Variants in IQUB observed in about 807,000 individuals in gnomAD.
The protein encoded by IQUB is IQ motif and ubiquitin-like domain-containing protein.
In IQUB, 86 loss-of-function variants were observed where a neutral mutation model predicts 86.4. The observed-to-expected ratio is 1.00, with a 90% CI of 0.84 to 1.19. IQUB has a LOEUF of 1.19. IQUB is among the 50% of genes most tolerant of loss of function. The pLI is 0.00. For synonymous variants in IQUB, 289 were observed against 304.5 expected (o/e 0.95, Z 0.53); for missense variants, 946 against 916.9 (o/e 1.03, Z -0.41).
At chr7:123,519,511 C>T (rs1472784938) in intron 1 of IQUB, among the ~76,000 whole-genome samples, 1 of 152,064 alleles carries the variant, frequency 6.6e-6, no homozygotes, top group Non-Finnish European at 1.5e-5. Flanking sequence ...ATGGGTGAAA[C>T]TGGGGGACAT....
intron 7 of IQUB, among the ~76,000 whole-genome samples, chr7:123,489,100 T>C (rs569200277): frequency 2.0e-5 from 3 of 152,326 alleles, no homozygotes; most frequent in Non-Finnish European, 4.4e-5. Context: ...GAAGTCAGAC[T>C]AGTGGTTACC....
chr7:123,493,721 ATGTG>A (rs753344642), intron 7 of IQUB, among the ~76,000 whole-genome samples: 4 of 128,346 alleles, frequency 3.1e-5, no homozygotes, highest in African/African-American at 9.2e-5. Flanking sequence ...CCTGAGAGAA[ATGTG>A]TGTGTATGTG....
At chr7:123,504,578 G>A (rs1167552218) in intron 3 of IQUB, among the ~76,000 whole-genome samples, 1 of 152,144 alleles carries the variant, frequency 6.6e-6, no homozygotes, top group African/African-American at 2.4e-5. Context: ...ATGGCCAGAG[G>A]AGGAGAAAGA....
chr7:123,472,603 T>C lies in IQUB; in HGVS notation c.1411-3219A>G, dbSNP rs143810823. Among the ~76,000 whole-genome samples the C allele has an allele frequency of 3.3e-5, 5 of 152,298 alleles. No individual in the cohort carries two copies. In the East Asian group the frequency reaches 9.7e-4, roughly 29 times the overall value. ...GAAGAATAACTAGGAGTTAGCCAGA[T>C]TAAAGGGAACCGAGTGATACAATCA... On this transcript the variant is annotated intron_variant, in intron 8 of 12. Coordinates refer to ENST00000324698, the MANE Select transcript of IQUB (RefSeq NM_178827.5).
At position 123,452,754 on chromosome 7, in the gene IQUB, G is replaced by C; in HGVS notation, c.2365C>G (p.Pro789Ala). ...TTPKIIESQR[P>A]PH is the part of the protein sequence containing the mutation. ...TACTCCTGGATCACCTAATGAGGAGGCCTCTGGGATTCTATAATCTTAGGT... is the reference window on the plus strand; with the variant it reads ...TACTCCTGGATCACCTAATGAGGAGCCCTCTGGGATTCTATAATCTTAGGT... The change falls in exon 13 of 13, where the codon CCT becomes GCT. Residue 789 changes from proline (P) to alanine (A), a missense_variant. Coordinates refer to ENST00000324698, the MANE Select transcript of IQUB (RefSeq NM_178827.5). 6.2e-7 allele frequency: 1 copy of C among 1,611,504 alleles called. No individual in the cohort carries two copies. Among genetic ancestry groups the C allele is most frequent in the Non-Finnish European group, 8.5e-7 (1 of 1,178,354 alleles).
intron 1 of IQUB, among the ~76,000 whole-genome samples, chr7:123,527,028 C>T (rs1317165851): frequency 3.9e-5 from 6 of 152,146 alleles, no homozygotes; most frequent in African/African-American, 1.2e-4. Flanking sequence ...TATTGGCCTC[C>T]ACTTTCTTCT....
intron 1 of IQUB, among the ~76,000 whole-genome samples, chr7:123,517,386 C>T (rs974113364): frequency 6.6e-6 from 1 of 151,780 alleles, no homozygotes; most frequent in Non-Finnish European, 1.5e-5. Context: ...AAAAAATTAG[C>T]CGGGCGTTGT....
intron 10 of IQUB, among the ~76,000 whole-genome samples, chr7:123,462,313 A>AAT (rs1280424055): frequency 6.6e-6 from 1 of 151,860 alleles, no homozygotes; most frequent in Admixed American, 6.6e-5. Flanking sequence ...ACTTTCAAAA[A>AAT]ATATTTTTAT....
At chr7:123,509,463 A>G (rs1054344958) in intron 3 of IQUB, among the ~76,000 whole-genome samples, 2 of 152,164 alleles carry the variant, frequency 1.3e-5, no homozygotes, top group African/African-American at 4.8e-5. Flanking sequence ...CCAGCCACTC[A>G]ACACTTCTTA....
At chr7:123,514,873 T>C (rs1796573005) in intron 1 of IQUB, among the ~76,000 whole-genome samples, 3 of 152,334 alleles carry the variant, frequency 2.0e-5, no homozygotes, top group African/African-American at 7.2e-5. Flanking sequence ...TTCTGAGTTA[T>C]TTCACTTAAA....
intron 9 of IQUB, 152 bp from the exon 10 acceptor site, chr7:123,465,161 T>C: frequency 1.7e-6 from 1 of 588,466 alleles, no homozygotes; most frequent in Non-Finnish European, 3.0e-6. Context: ...AGTTCATTTT[T>C]TGTGGTATAT....
chr7:123,479,996 T>C (rs749325027), intron 7 of IQUB, 26 bp from the exon 8 acceptor site: 44 of 1,554,258 alleles, frequency 2.8e-5, no homozygotes, highest in Middle Eastern at 1.7e-4. Context: ...AATAGACTCT[T>C]GAGTTTTTAA....
intron 12 of IQUB, chr7:123,457,093 C>CAAAAAAAA: frequency 1.2e-6 from 1 of 849,966 alleles, no homozygotes; most frequent in South Asian, 5.4e-5. Flanking sequence ...ATAAGCCAAA[C>CAAAAAAAA]AAAATCACTG....
chr7:123,527,211 T>G (rs551510577), intron 1 of IQUB, among the ~76,000 whole-genome samples: 68 of 152,302 alleles, frequency 4.5e-4, no homozygotes, highest in African/African-American at 1.5e-3. Context: ...TAGTTATACA[T>G]TCTTCCAAAT....
chr7:123,453,061 A>T (rs1793509814), intron 12 of IQUB, 136 bp from the exon 13 acceptor site: 3 of 651,022 alleles, frequency 4.6e-6, no homozygotes, highest in Non-Finnish European at 7.7e-6. Context: ...GTTGTCTATC[A>T]TCATTCACGA....
At chr7:123,479,005 G>A (rs2117070060) in intron 8 of IQUB, among the ~76,000 whole-genome samples, 1 of 152,074 alleles carries the variant, frequency 6.6e-6, no homozygotes, top group East Asian at 1.9e-4. Flanking sequence ...GATAAACTGA[G>A]ATCAAATAAA....
At chr7:123,524,188 C>T (rs1797061511) in intron 1 of IQUB, among the ~76,000 whole-genome samples, 1 of 148,812 alleles carries the variant, frequency 6.7e-6, no homozygotes, top group South Asian at 2.2e-4. Flanking sequence ...GTGATGTGGG[C>T]TCTTTTTTGG....
At chr7:123,463,536 C>T (rs1019307979) in intron 10 of IQUB, among the ~76,000 whole-genome samples, 1 of 151,732 alleles carries the variant, frequency 6.6e-6, no homozygotes, top group Non-Finnish European at 1.5e-5. Context: ...TCTCAAAAGA[C>T]TACATATAGT....
chr7:123,458,741 C>G (rs1263466006), intron 11 of IQUB, among the ~76,000 whole-genome samples: 1 of 151,938 alleles, frequency 6.6e-6, no homozygotes, highest in African/African-American at 2.4e-5. Context: ...GGTTGACAGT[C>G]TCTAAGAGCT....
Sources: gnomAD v4.1 joint callset for allele counts (sites outside exome capture counted in the v4.1 genomes callset) on GRCh38, gnomAD v4.1.1 for gene constraint, MANE v1.5 for transcripts, NCBI Gene and HGNC (gene_info 2026-07-23, HGNC 2026-07-21) for gene names.